DHX37: variants seen among roughly 807,000 people sequenced by gnomAD.
The protein encoded by DHX37 is probable ATP-dependent RNA helicase DHX37.
A neutral mutation model predicts 134.3 loss-of-function variants in DHX37; 52 were observed. That is an observed-to-expected ratio of 0.39 (90% CI 0.31 to 0.49). The LOEUF (loss-of-function observed/expected upper bound fraction) is 0.49. Among genes scored for constraint, DHX37 ranks in the 20% least tolerant of loss-of-function variants. The probability of loss-of-function intolerance (pLI) is 0.93; values close to 1 mark genes in which losing one functional copy is unlikely to be tolerated. For synonymous variants in DHX37, 634 were observed against 670.7 expected (o/e 0.95, Z 0.85); for missense variants, 1,344 against 1,580.8 (o/e 0.85, Z 2.54).
intron 13 of DHX37, 130 bp from the exon 14 acceptor site, chr12:124,965,136 C>A: frequency 9.7e-7 from 1 of 1,030,900 alleles, no homozygotes; most frequent in South Asian, 1.6e-5. Flanking sequence ...TGCAGAGGCT[C>A]CCCTTGGGAC....
At chr12:124,960,027 C>T (rs1417455617) in intron 16 of DHX37, among the ~76,000 whole-genome samples, 2 of 152,234 alleles carry the variant, frequency 1.3e-5, no homozygotes, top group African/African-American at 4.8e-5. Context: ...GAAGAGCCGG[C>T]AGCACGTTCT....
At chr12:124,968,208 C>T (rs563659488) in intron 10 of DHX37, among the ~76,000 whole-genome samples, 22 of 152,186 alleles carry the variant, frequency 1.4e-4, no homozygotes, top group African/African-American at 2.6e-4. Flanking sequence ...GAAGGGTATC[C>T]GTGACTCTTG....
At position 124,947,642 on chromosome 12, in the gene DHX37, A is replaced by T; in HGVS notation, c.*160T>A. ...TGGCACGGGCGGCAGCACCCTTCAT[A>T]CGGGATCGAGCTCTCATGGATGAGG... On this transcript the variant is annotated 3_prime_UTR_variant, in exon 27 of 27. Transcript: ENST00000308736. 1.1e-6 allele frequency: 1 copy of T among 949,836 alleles called. No individual in the cohort carries two copies. Among genetic ancestry groups the T allele is most frequent in the Non-Finnish European group, 1.5e-6 (1 of 660,122 alleles). 58.8% of individuals were successfully genotyped at this position (949,836 alleles called of 1,614,324 possible). A position where few individuals can be genotyped will look rare whatever the true frequency, so the allele number is the denominator to read the frequency against.
rs143955373 is a variant in DHX37, at chr12:124,975,487, C to T, written c.912G>A (p.Thr304=). 150 of 1,612,624 alleles carry T rather than the reference C, an allele frequency of 9.3e-5. No homozygotes were observed. The highest frequency in any genetic ancestry group is 5.9e-4 in the South Asian group (54 of 91,074). ...FSSEDSIIGV[T]EPRRVAAVAM... is the part of the protein sequence containing the mutation. ...CCACGGCGGCCACTCGGCGGGGCTCCGTGACACCGATGATGCTGTCTTCAC... is the reference window on the plus strand; with the variant it reads ...CCACGGCGGCCACTCGGCGGGGCTCTGTGACACCGATGATGCTGTCTTCAC... Residue 304 remains threonine (T), a synonymous_variant, in exon 6 of 27, where the codon ACG becomes ACA. Transcript: ENST00000308736.
chr12:124,976,580 A>G (rs1483732971), intron 5 of DHX37, among the ~76,000 whole-genome samples: 1 of 152,220 alleles, frequency 6.6e-6, no homozygotes, highest in Non-Finnish European at 1.5e-5. Context: ...CTGTAATCCC[A>G]GCACTTTGGG....
At position 124,949,274 on chromosome 12, in the gene DHX37, G is replaced by A. The variant is rs1190404175; in HGVS notation, c.3290+712C>T. Among the ~76,000 whole-genome samples the A allele has an allele frequency of 2.6e-5, 4 of 152,160 alleles. No individual in the cohort carries two copies. Among genetic ancestry groups the A allele is most frequent in the Admixed American group, 1.3e-4 (2 of 15,278 alleles). On this transcript the variant is annotated intron_variant, in intron 25 of 26. Transcript: ENST00000308736. The surrounding 1 kb of genome is among the most constrained non-coding windows in gnomAD (Gnocchi z 4.0). Reference sequence around the variant, plus strand: ...GGTGCTGTGCCCCACGCCCCATCTCGAGTCCCTGGCACCTGCCTGCACCTT... The same window carrying A: ...GGTGCTGTGCCCCACGCCCCATCTCAAGTCCCTGGCACCTGCCTGCACCTT...
intron 20 of DHX37, chr12:124,953,491 A>C: frequency 5.2e-6 from 1 of 192,594 alleles, no homozygotes; most frequent in Admixed American, 5.3e-5. Flanking sequence ...GGCAGGAAGT[A>C]TTTGTGCTGC....
At chr12:124,953,615 G>T (rs1954018598) in intron 20 of DHX37, 1 of 496,782 alleles carries the variant, frequency 2.0e-6, no homozygotes. Flanking sequence ...AATGGCAGGG[G>T]GTATCGCCAG....
chr12:124,986,785 C>A (rs146496380), intron 1 of DHX37, among the ~76,000 whole-genome samples: 2,291 of 151,984 alleles, frequency 0.015, 46 homozygotes, highest in African/African-American at 0.052. Context: ...TCACTTTGTC[C>A]CCCAGACTAG....
At chr12:124,983,868 G>A (rs1418396685) in intron 2 of DHX37, among the ~76,000 whole-genome samples, 1 of 151,906 alleles carries the variant, frequency 6.6e-6, no homozygotes, top group African/African-American at 2.4e-5. Context: ...ATCCACGGCT[G>A]CTGGAGAGAG....
At chr12:124,976,335 G>A (rs552185278) in intron 5 of DHX37, among the ~76,000 whole-genome samples, 70 of 152,326 alleles carry the variant, frequency 4.6e-4, no homozygotes, top group Non-Finnish European at 8.2e-4. Context: ...GGGAGTCCCC[G>A]GTCAATCACC....
At chr12:124,973,472 A>C (rs1954562589) in intron 6 of DHX37, among the ~76,000 whole-genome samples, 1 of 151,104 alleles carries the variant, frequency 6.6e-6, no homozygotes. Flanking sequence ...GGATAAAATA[A>C]GATACCTAAG....
At chr12:124,959,136 C>T (rs1954171520) in intron 16 of DHX37, among the ~76,000 whole-genome samples, 2 of 146,660 alleles carry the variant, frequency 1.4e-5, no homozygotes, top group South Asian at 4.2e-4. Flanking sequence ...TGCAATGGCA[C>T]AATCTCGGCC....
At position 124,986,227 on chromosome 12, in the gene DHX37, G is replaced by C. The variant is rs774059913; in HGVS notation, c.145C>G (p.Leu49Val). Residue 49 changes from leucine (L) to valine (V), a missense_variant, in exon 2 of 27, where the codon CTC (leucine) becomes GTC (valine). Physicochemically the swap from Leu to Val is conservative, Grantham distance 32 (BLOSUM62 1). Transcript: ENST00000308736. ...TTTTTCTTCTTCCCCGGTAGAACGA[G>C]CGCGTTGCTTGCATCAACTCCCTTC... is the stretch of plus-strand genomic sequence containing the variant. ...TLKGVDASNA[L>V]VLPGKKKKKT... The C allele has an allele frequency of 1.9e-6, 3 of 1,614,110 alleles. No homozygotes were observed. The highest frequency in any genetic ancestry group is 2.5e-6 in the Non-Finnish European group (3 of 1,180,038).
intron 12 of DHX37, among the ~76,000 whole-genome samples, chr12:124,966,151 A>C (rs1307894394): frequency 6.6e-6 from 1 of 152,208 alleles, no homozygotes; most frequent in Non-Finnish European, 1.5e-5. Flanking sequence ...CGGTGCCTTC[A>C]CGCAGAGGCT....
At chr12:124,971,566 G>T in intron 7 of DHX37, 151 bp from the exon 8 acceptor site, 1 of 1,302,956 alleles carries the variant, frequency 7.7e-7, no homozygotes, top group Non-Finnish European at 1.0e-6. Flanking sequence ...TGCCCGCAGA[G>T]TGGGAGGGCA....
At chr12:124,986,318 C>T (rs1269345511) in intron 1 of DHX37, 53 bp from the exon 2 acceptor site, 8 of 1,590,436 alleles carry the variant, frequency 5.0e-6, no homozygotes, top group Middle Eastern at 1.7e-4. Context: ...GCTCTGGTCC[C>T]GCCTCCCACA....
In DHX37 at chr12:124,949,152, C is replaced by T. The variant is rs534691839; in HGVS notation, c.3290+834G>A. Reference sequence around the variant, plus strand: ...AGCAACGCTGCTGTGGGACAGAGATCGTGTCTGTATCCCAGCCCCGAGAAC... The same window carrying T: ...AGCAACGCTGCTGTGGGACAGAGATTGTGTCTGTATCCCAGCCCCGAGAAC... On this transcript the variant is annotated intron_variant, in intron 25 of 26. Transcript: ENST00000308736. This position sits in a 1 kb window ranked among gnomAD's most constrained non-coding sequence, Gnocchi z 4.0. Among the ~76,000 whole-genome samples the T allele has an allele frequency of 1.1e-4, 17 of 152,278 alleles. No homozygotes were observed. The highest frequency in any genetic ancestry group is 3.9e-4 in the African/African-American group (16 of 41,556).
At position 124,968,515 on chromosome 12, in the gene DHX37, G is replaced by T; in HGVS notation, c.1408+19C>A. 1.2e-6 allele frequency: 2 copies of T among 1,610,840 alleles called. No homozygotes were observed. Among genetic ancestry groups the T allele is most frequent in the South Asian group, 1.1e-5 (1 of 91,080 alleles). On this transcript the variant is annotated intron_variant, in intron 10 of 26. Coordinates refer to ENST00000308736, the MANE Select transcript of DHX37 (RefSeq NM_032656.4). ...TTAGGAAGGGAGGCTTCTTTCCCCT[G>T]ACCTGGCCAGGGCCTCACCTGCGGG...
Sources: allele counts gnomAD v4.1 joint callset (sites outside exome capture counted in the v4.1 genomes callset), GRCh38; gene constraint gnomAD v4.1.1; non-coding constraint Gnocchi (gnomAD v3.1); transcripts MANE v1.5; gene names NCBI Gene and HGNC (gene_info 2026-07-23, HGNC 2026-07-21).